The following TPPP variants were observed in gnomAD, a reference collection of about 807,000 sequenced individuals.
TPPP encodes the protein tubulin polymerization promoting protein, also known as tubulin polymerization-promoting protein.
TPPP carries 6 observed loss-of-function variants against 15.5 expected under a neutral mutation model. That is an observed-to-expected ratio of 0.39 (90% confidence interval 0.21 to 0.77). The LOEUF (loss-of-function observed/expected upper bound fraction) is 0.77. TPPP is among the 30% of genes least tolerant of loss of function. The probability of loss-of-function intolerance (pLI) is 0.42; values close to 1 mark genes in which losing one functional copy is unlikely to be tolerated. For missense variants in TPPP, 269 were observed against 307.2 expected, an observed-to-expected ratio of 0.88 and a Z score of 0.93; for synonymous variants, 146 against 133.9, an observed-to-expected ratio of 1.09 and a Z score of -0.63.
chr5:693,417 G>T (rs1361365518), upstream of TPPP: 1 of 101,344 alleles, frequency 9.9e-6, no homozygotes, highest in Non-Finnish European at 2.0e-5. Context: ...GCCCGGTCCC[G>T]GGCCCGCCCC....
chr5:684,582 G>T (rs1457931102), intron 1 of TPPP, among the ~76,000 whole-genome samples: 1 of 87,356 alleles, frequency 1.1e-5, no homozygotes, highest in African/African-American at 8.4e-5. Flanking sequence ...CCCACCAAGG[G>T]GCCTTCTAGG....
intron 1 of TPPP, among the ~76,000 whole-genome samples, chr5:683,435 G>C (rs531446472): frequency 6.6e-6 from 1 of 152,196 alleles, no homozygotes; most frequent in Non-Finnish European, 1.5e-5. Flanking sequence ...GGAGCCCCGC[G>C]TGCTTCTGCC....
rs1309728649 is a variant in TPPP, at chr5:665,062, T to G, written c.*40A>C. ...AAGTGCGAGGTGACAGAGTCCCTGC[T>G]CTGGGGACACCGGCAGTGCCGCGAG... On this transcript the variant is annotated 3_prime_UTR_variant, in exon 4 of 4. Transcript: ENST00000360578. 6.3e-7 allele frequency: 1 copy of G among 1,588,648 alleles called. No individual in the cohort carries two copies. Among genetic ancestry groups the G allele is most frequent in the East Asian group, 2.2e-5 (1 of 44,768 alleles).
chr5:677,247 C>T (rs1740482119), intron 2 of TPPP, among the ~76,000 whole-genome samples: 1 of 152,226 alleles, frequency 6.6e-6, no homozygotes, highest in Admixed American at 6.5e-5. Flanking sequence ...CAGCTCCATG[C>T]ATGGGGACAC....
chr5:668,351 G>A (rs61495967), intron 2 of TPPP, among the ~76,000 whole-genome samples: 2,291 of 92,688 alleles, frequency 0.025, 105 homozygotes, highest in Non-Finnish European at 0.034. Context: ...AGGGAAGTGC[G>A]GACAAGCACA....
At chr5:668,608 C>T (rs768853498) in intron 2 of TPPP, among the ~76,000 whole-genome samples, 9 of 152,252 alleles carry the variant, frequency 5.9e-5, no homozygotes, top group Non-Finnish European at 7.3e-5. Context: ...CGTCCACACC[C>T]GGCCGAGCAA....
chr5:671,320 G>A (rs1463287158), intron 2 of TPPP, among the ~76,000 whole-genome samples: 1 of 152,168 alleles, frequency 6.6e-6, no homozygotes, highest in African/African-American at 2.4e-5. Context: ...TTGGTGGGAC[G>A]TGGACTTGGG....
chr5:692,500 C>T lies in TPPP; in HGVS notation c.-5+778G>A, dbSNP rs1404357027. On this transcript the variant is annotated intron_variant, in intron 1 of 3. Transcript: ENST00000360578. ...CCAAACCCCCATCAAGACAACAGCC[C>T]CCCCAAAACCCTTATCAAAACAGCA... 6.6e-6 allele frequency: 6 copies of T among 912,274 alleles called. 1 individual carries two copies. Among genetic ancestry groups the T allele is most frequent in the African/African-American group, 3.5e-5 (2 of 56,370 alleles). The allele number at this position is 912,274 out of a possible 1,614,324, so 56.5% of individuals were successfully genotyped here.
rs2335625 is a variant in TPPP, at chr5:679,644, A to G, written c.-4-1580T>C. On this transcript the variant is annotated intron_variant, in intron 1 of 3. Coordinates refer to ENST00000360578, the MANE Select transcript of TPPP (RefSeq NM_007030.3). ...GGTGGGTTTTGTGAGCACCCAGAAC[A>G]GTGGTGGGTGTGCGGGTCAGAGAGA... 5.8e-3 allele frequency among the ~76,000 whole-genome samples: 823 copies of G among 140,700 alleles called. 5 individuals carry two copies. The highest frequency in any genetic ancestry group is 0.012 in the African/African-American group (439 of 37,266). The allele number at this position is 140,700 out of a possible 152,430, so 92.3% of individuals were successfully genotyped here. A position where few individuals can be genotyped will look rare whatever the true frequency, so the allele number is the denominator to read the frequency against.
At position 665,924 on chromosome 5, in the gene TPPP, G is replaced by GC; in HGVS notation, c.465+45dup. 1.2e-4 allele frequency: 6 copies of GC among 48,214 alleles called. No homozygotes were observed. In the South Asian group the frequency reaches 1.3e-3, roughly 10 times the overall value. 3.0% of individuals were successfully genotyped at this position (48,214 alleles called of 1,614,324 possible). On this transcript the variant is annotated intron_variant, in intron 3 of 3. Coordinates refer to ENST00000360578, the MANE Select transcript of TPPP (RefSeq NM_007030.3). ...AGGCACCACCCACCTTCCAGGCCCCGCCCCCACCCCCTCCAGGCCCCGCCT... is the reference window on the plus strand; with the variant it reads ...AGGCACCACCCACCTTCCAGGCCCCGCCCCCCACCCCCTCCAGGCCCCGCCT...
intron 1 of TPPP, among the ~76,000 whole-genome samples, chr5:682,007 TC>T (rs1740637755): frequency 6.6e-6 from 1 of 151,590 alleles, no homozygotes; most frequent in Non-Finnish European, 1.5e-5. Context: ...CTGTCCCTGT[TC>T]CCAAGAGGCC....
In TPPP at chr5:669,363, C is replaced by T. The variant is rs887516110; in HGVS notation, c.312-3240G>A. 1.3e-4 allele frequency among the ~76,000 whole-genome samples: 20 copies of T among 152,246 alleles called. 1 individual carries two copies. The highest frequency in any genetic ancestry group is 8.3e-4 in the South Asian group (4 of 4,824). On this transcript the variant is annotated intron_variant, in intron 2 of 3. Coordinates refer to ENST00000360578, the MANE Select transcript of TPPP (RefSeq NM_007030.3). ...GGTGGATTTAGCCCCTTGACGCGCT[C>T]GGCGTGGACACCCGCACGTTCCCTG...
At chr5:684,542 G>T (rs1740716127) in intron 1 of TPPP, among the ~76,000 whole-genome samples, 1 of 151,842 alleles carries the variant, frequency 6.6e-6, no homozygotes, top group African/African-American at 2.4e-5. Context: ...AGTGGACAGA[G>T]CCCCTGTGGA....
At position 678,503 on chromosome 5, in the gene TPPP, G is replaced by A. The variant is rs1253069105; in HGVS notation, c.-4-439C>T. 8.3e-5 allele frequency among the ~76,000 whole-genome samples: 12 copies of A among 144,154 alleles called. No individual in the cohort carries two copies. The East Asian group carries it at 1.9e-3, about 23-fold the overall frequency. The allele number at this position is 144,154 out of a possible 152,430, so 94.6% of individuals were successfully genotyped here. A position where few individuals can be genotyped will look rare whatever the true frequency, so the allele number is the denominator to read the frequency against. On this transcript the variant is annotated intron_variant, in intron 1 of 3. Coordinates refer to ENST00000360578, the MANE Select transcript of TPPP (RefSeq NM_007030.3). ...GCTCTGCAGCTCTGGAGGACACCTCGGGATCACGCACTCCCCAGGGTCTGT... is the reference window on the plus strand; with the variant it reads ...GCTCTGCAGCTCTGGAGGACACCTCAGGATCACGCACTCCCCAGGGTCTGT...
At position 672,974 on chromosome 5, in the gene TPPP, G is replaced by A. The variant is rs544392176; in HGVS notation, c.311+4776C>T. ...AGATACCCCGAGCTGGCGCCACGCC[G>A]GTGGAGCCATGGCAACCTGCCCTGA... is the stretch of plus-strand genomic sequence containing the variant. On this transcript the variant is annotated intron_variant, in intron 2 of 3. Coordinates refer to ENST00000360578, the MANE Select transcript of TPPP (RefSeq NM_007030.3). Among the ~76,000 whole-genome samples, 111 of 152,282 alleles carry A rather than the reference G, an allele frequency of 7.3e-4. 1 individual carries two copies. Among genetic ancestry groups the A allele is most frequent in the African/African-American group, 2.4e-3 (99 of 41,564 alleles).
chr5:682,042 A>G (rs1229081314), intron 1 of TPPP, among the ~76,000 whole-genome samples: 1 of 151,248 alleles, frequency 6.6e-6, no homozygotes, highest in Non-Finnish European at 1.5e-5. Context: ...CCTGGGCCCC[A>G]TTTGTCAGAA....
At chr5:679,303 C>T (rs947071163) in intron 1 of TPPP, among the ~76,000 whole-genome samples, 2 of 151,932 alleles carry the variant, frequency 1.3e-5, no homozygotes, top group African/African-American at 4.9e-5. Context: ...TCAGGCCCCA[C>T]CCACTCACCC....
At chr5:668,888 A>C (rs1048277935) in intron 2 of TPPP, among the ~76,000 whole-genome samples, 43 of 152,192 alleles carry the variant, frequency 2.8e-4, no homozygotes, top group Non-Finnish European at 5.0e-4. Flanking sequence ...GGTGGGTGCC[A>C]AGTGGCCAGG....
chr5:666,542 A>G (rs1739923183), intron 2 of TPPP, among the ~76,000 whole-genome samples: 1 of 152,184 alleles, frequency 6.6e-6, no homozygotes, highest in Non-Finnish European at 1.5e-5. Context: ...TCCCCCACAC[A>G]GGAACATGGT....
Sources: gnomAD v4.1 joint callset for allele counts (sites outside exome capture counted in the v4.1 genomes callset) on GRCh38, gnomAD v4.1.1 for gene constraint, MANE v1.5 for transcripts, NCBI Gene and HGNC (gene_info 2026-07-23, HGNC 2026-07-21) for gene names.